The following MYLK variants were observed in gnomAD, a reference collection of about 807,000 sequenced individuals.
MYLK encodes myosin light chain kinase, smooth muscle.
MYLK carries 106 observed loss-of-function variants against 203.4 expected under a neutral mutation model. That is an observed-to-expected ratio of 0.52 (90% CI 0.45 to 0.61). The LOEUF (loss-of-function observed/expected upper bound fraction) is 0.61, where lower values mean the gene tolerates loss of function less well. Ranked by LOEUF, MYLK falls within the 20% of genes least tolerant of loss-of-function variation. The pLI is 0.00. For missense variants in MYLK, 2,072 were observed against 2,442.3 expected (o/e 0.85, Z 3.20); for synonymous variants, 867 against 959.5 (o/e 0.90, Z 1.78).
In MYLK at chr3:123,709,773, A is replaced by G. The variant is rs1280428196; in HGVS notation, c.1925T>C (p.Met642Thr). 1 of 1,614,094 alleles carries G rather than the reference A, an allele frequency of 6.2e-7. No individual in the cohort carries two copies. Among genetic ancestry groups the G allele is most frequent in the East Asian group, 2.2e-5 (1 of 44,882 alleles). Reference protein sequence around the residue: ...LKVMDGSQVTMTVQVSGNPPP... With the variant: ...LKVMDGSQVTTTVQVSGNPPP... ...AGACAGACCTGACACTTGGACAGTC[A>G]TAGTGACCTGGCTTCCATCCATGAC... The change falls in exon 14 of 34, where the codon ATG (methionine) becomes ACG (threonine). Residue 642 changes from methionine (M) to threonine (T), a missense_variant. Physicochemically the swap from Met to Thr is moderately conservative, Grantham distance 81. Coordinates refer to ENST00000360304, the MANE Select transcript of MYLK (RefSeq NM_053025.4).
chr3:123,778,134 G>T (rs1049674319), intron 4 of MYLK, among the ~76,000 whole-genome samples: 8 of 152,130 alleles, frequency 5.3e-5, no homozygotes, highest in African/African-American at 1.7e-4. Context: ...TCTCAAGGGG[G>T]TAATATCATC....
intron 33 of MYLK, chr3:123,616,367 T>A (rs2057490712): frequency 6.6e-6 from 1 of 152,150 alleles, no homozygotes; most frequent in African/African-American, 2.4e-5. Context: ...ATTATATGTA[T>A]TTAATGTGTA....
chr3:123,737,826 C>A (rs560946077), intron 7 of MYLK, among the ~76,000 whole-genome samples: 2 of 152,322 alleles, frequency 1.3e-5, no homozygotes, highest in South Asian at 4.1e-4. Flanking sequence ...ATATTCCTCA[C>A]TTCAGTTTTT....
chr3:123,655,009 C>T (rs979335067), intron 24 of MYLK, among the ~76,000 whole-genome samples: 13 of 152,162 alleles, frequency 8.5e-5, no homozygotes, highest in East Asian at 7.7e-4. Flanking sequence ...TGAGCCACCA[C>T]GCCCGGCCTC....
At chr3:123,762,169 G>C (rs1466043477) in intron 4 of MYLK, among the ~76,000 whole-genome samples, 1 of 152,072 alleles carries the variant, frequency 6.6e-6, no homozygotes, top group Non-Finnish European at 1.5e-5. Flanking sequence ...AATGCTTTTA[G>C]TCATTTCTTC....
Position 123,866,388 on chromosome 3 carries a change from T to C in MYLK, c.-127+10171A>G, listed in dbSNP as rs562039990. Among the ~76,000 whole-genome samples the C allele has an allele frequency of 3.9e-5, 6 of 152,324 alleles. No individual in the cohort carries two copies. In the East Asian group the frequency reaches 9.7e-4, roughly 25 times the overall value. On this transcript the variant is annotated intron_variant, in intron 2 of 33. Coordinates refer to ENST00000360304, the MANE Select transcript of MYLK (RefSeq NM_053025.4). ...ATTTATCAAGTTTACCACATCTTCA[T>C]TTATTCAACAAATACGTATGGAGTG...
At chr3:123,666,380 G>A (rs1486026146) in intron 21 of MYLK, 34 bp from the exon 22 acceptor site, 7 of 1,614,076 alleles carry the variant, frequency 4.3e-6, no homozygotes, top group Non-Finnish European at 5.9e-6. Context: ...GAGCGAGGCA[G>A]AAGGGTCTCA....
chr3:123,831,228 G>A (rs1381486624), intron 3 of MYLK, among the ~76,000 whole-genome samples: 4 of 152,220 alleles, frequency 2.6e-5, no homozygotes, highest in Non-Finnish European at 4.4e-5. Context: ...GTACCACAGC[G>A]TGCAGTGTGA....
In MYLK at chr3:123,866,996, G is replaced by A. The variant is rs375437820; in HGVS notation, c.-127+9563C>T. Among the ~76,000 whole-genome samples, 93 of 152,114 alleles carry A rather than the reference G, an allele frequency of 6.1e-4. 2 individuals carry two copies. In the South Asian group the frequency reaches 0.011, roughly 18 times the overall value. On this transcript the variant is annotated intron_variant, in intron 2 of 33. Transcript: ENST00000360304. ...GGCTCCTAGAACACCCCTTTCCCTC[G>A]GTGGCTAAGCTCTTTCTGCTATGGC...
chr3:123,760,833 A>G (rs185716275), intron 4 of MYLK, among the ~76,000 whole-genome samples: 4 of 152,286 alleles, frequency 2.6e-5, no homozygotes, highest in African/African-American at 4.8e-5. Flanking sequence ...CCGAAACCCA[A>G]TTTGAAAAGT....
intron 25 of MYLK, 39 bp from the exon 26 acceptor site, chr3:123,649,103 G>GCCCC (rs1251724880): frequency 6.2e-7 from 1 of 1,613,826 alleles, no homozygotes; most frequent in Admixed American, 1.7e-5. Context: ...AGTCTCAGAT[G>GCCCC]CCCCCACTCA....
At chr3:123,734,251 T>TTGGGG in intron 9 of MYLK, 29 bp from the exon 10 acceptor site, 2 of 448,416 alleles carry the variant, frequency 4.5e-6, no homozygotes, top group Non-Finnish European at 7.9e-6. Context: ...GGGGGTAGGG[T>TTGGGG]GGGTGAGGAG....
At chr3:123,832,696 C>T (rs2066370730) in intron 2 of MYLK, among the ~76,000 whole-genome samples, 1 of 152,180 alleles carries the variant, frequency 6.6e-6, no homozygotes, top group Non-Finnish European at 1.5e-5. Flanking sequence ...CTTCTGTCTT[C>T]TGCCAAGTGA....
chr3:123,849,221 A>T lies in MYLK; in HGVS notation c.-126-17551T>A, dbSNP rs115139323. Reference sequence around the variant, plus strand: ...AAATTTCTGAGCTCAAGTGATCCACACCTTGGCCTCCTAAAGTGCTTGGAT... The same window carrying T: ...AAATTTCTGAGCTCAAGTGATCCACTCCTTGGCCTCCTAAAGTGCTTGGAT... On this transcript the variant is annotated intron_variant, in intron 2 of 33. Transcript: ENST00000360304. Among the ~76,000 whole-genome samples, 236 of 152,210 alleles carry T rather than the reference A, an allele frequency of 1.6e-3. 1 individual carries two copies. Among genetic ancestry groups the T allele is most frequent in the African/African-American group, 5.6e-3 (231 of 41,546 alleles).
At chr3:123,799,174 AC>A (rs1018415814) in intron 3 of MYLK, among the ~76,000 whole-genome samples, 5 of 142,756 alleles carry the variant, frequency 3.5e-5, no homozygotes, top group South Asian at 4.5e-4. Context: ...ACTCCCCCTT[AC>A]CCCCCTTACC....
chr3:123,626,760 G>A (rs890712201), intron 31 of MYLK, 58 bp downstream of exon 31: 77 of 1,612,594 alleles, frequency 4.8e-5, no homozygotes, highest in Non-Finnish European at 5.7e-5. Context: ...AATGAAAGTG[G>A]CTTGAACAAC....
intron 29 of MYLK, among the ~76,000 whole-genome samples, chr3:123,632,563 T>C (rs2058479960): frequency 6.6e-6 from 1 of 152,130 alleles, no homozygotes; most frequent in Non-Finnish European, 1.5e-5. Context: ...AGCCTATCCA[T>C]CTGAAATACT....
intron 5 of MYLK, among the ~76,000 whole-genome samples, chr3:123,743,734 T>C (rs2062930246): frequency 6.6e-6 from 1 of 152,070 alleles, no homozygotes; most frequent in Non-Finnish European, 1.5e-5. Flanking sequence ...AGTTCAGTGG[T>C]GGAAGGGATA....
At chr3:123,649,318 C>G (rs1225368334) in intron 24 of MYLK, 124 bp from the exon 25 acceptor site, 12 of 1,276,716 alleles carry the variant, frequency 9.4e-6, no homozygotes, top group Non-Finnish European at 1.3e-5. Context: ...CTACCAGGTC[C>G]AGAGCTCTGG....
Sources: gnomAD v4.1 joint callset for allele counts (sites outside exome capture counted in the v4.1 genomes callset) on GRCh38, gnomAD v4.1.1 for gene constraint, MANE v1.5 for transcripts, NCBI Gene and HGNC (gene_info 2026-07-23, HGNC 2026-07-21) for gene names.